ATL2: variants seen among roughly 807,000 people sequenced by gnomAD.
The protein encoded by ATL2 is atlastin GTPase 2, also known as atlastin-2.
ATL2 carries 31 observed loss-of-function variants against 73.9 expected under a neutral mutation model. The observed-to-expected ratio is 0.42, with a 90% CI of 0.32 to 0.57. ATL2 has a LOEUF of 0.57. Among genes scored for constraint, ATL2 ranks in the 20% least tolerant of loss-of-function variants. The probability of loss-of-function intolerance (pLI) is 0.14; values close to 1 mark genes in which losing one functional copy is unlikely to be tolerated. For missense variants in ATL2, 738 were observed against 702.6 expected (o/e 1.05, Z -0.57); for synonymous variants, 291 against 237.5 (o/e 1.23, Z -2.07).
At chr2:38,331,172 T>G (rs965274598) in intron 2 of ATL2, among the ~76,000 whole-genome samples, 1 of 151,850 alleles carries the variant, frequency 6.6e-6, no homozygotes, top group African/African-American at 2.4e-5. Context: ...TGGTGGCTCA[T>G]GCCTGTAATC....
intron 1 of ATL2, among the ~76,000 whole-genome samples, chr2:38,365,062 C>A (rs112514423): frequency 2.2e-3 from 324 of 149,394 alleles, no homozygotes; most frequent in African/African-American, 7.8e-3. Context: ...AAAAAAATTA[C>A]TTTAAGAGTT....
chr2:38,338,882 C>T (rs1460605870), intron 2 of ATL2, among the ~76,000 whole-genome samples: 1 of 152,092 alleles, frequency 6.6e-6, no homozygotes, highest in East Asian at 1.9e-4. Flanking sequence ...GTAAGACAAA[C>T]TTAAATTGAG....
chr2:38,343,899 T>C (rs1316601882), intron 1 of ATL2, among the ~76,000 whole-genome samples: 1 of 152,180 alleles, frequency 6.6e-6, no homozygotes, highest in Non-Finnish European at 1.5e-5. Context: ...AGCTCTCTTC[T>C]CATCTGCCAC....
intron 4 of ATL2, 78 bp from the exon 5 acceptor site, chr2:38,315,412 GA>G: frequency 2.1e-6 from 3 of 1,408,706 alleles, no homozygotes; most frequent in Non-Finnish European, 1.9e-6. Flanking sequence ...TTTACTTGTG[GA>G]AAAAAGGTTA....
At chr2:38,374,432 C>T (rs563044290) in intron 1 of ATL2, among the ~76,000 whole-genome samples, 104 of 152,304 alleles carry the variant, frequency 6.8e-4, no homozygotes, top group African/African-American at 2.4e-3. Flanking sequence ...AATACCATTA[C>T]ACGTTAAAAA....
chr2:38,325,517 C>G (rs1668547609), intron 2 of ATL2, among the ~76,000 whole-genome samples: 1 of 151,956 alleles, frequency 6.6e-6, no homozygotes, highest in Non-Finnish European at 1.5e-5. Flanking sequence ...ACAAAATTCT[C>G]AAAGTAATTA....
intron 1 of ATL2, among the ~76,000 whole-genome samples, chr2:38,362,181 G>A (rs1488662055): frequency 6.6e-6 from 1 of 152,144 alleles, no homozygotes; most frequent in African/African-American, 2.4e-5. Flanking sequence ...TGGGAAAGGT[G>A]GATTCGCTAA....
chr2:38,340,541 C>G (rs1200559475), intron 2 of ATL2, among the ~76,000 whole-genome samples: 2 of 152,160 alleles, frequency 1.3e-5, no homozygotes, highest in African/African-American at 4.8e-5. Context: ...TATAAAACTA[C>G]TCACTACTTT....
Position 38,295,321 on chromosome 2 carries a change from G to C in ATL2, c.*673C>G, listed in dbSNP as rs1666835253. 1 of 152,070 alleles carries C rather than the reference G, an allele frequency of 6.6e-6. No individual in the cohort carries two copies. The highest frequency in any genetic ancestry group is 2.1e-4 in the South Asian group (1 of 4,826). The allele number at this position is 152,070 out of a possible 1,614,324, so 9.4% of individuals were successfully genotyped here. The stretch of plus-strand genomic sequence containing the variant: ...GAATTTCTTCCCCAATAAAATTAAT[G>C]GCATATTTTATATACATGAAGGCTA... On this transcript the variant is annotated 3_prime_UTR_variant, in exon 13 of 13. Coordinates refer to ENST00000378954, the MANE Select transcript of ATL2 (RefSeq NM_001135673.4).
chr2:38,345,625 T>C (rs1558435133), intron 1 of ATL2, among the ~76,000 whole-genome samples: 1 of 152,216 alleles, frequency 6.6e-6, no homozygotes, highest in Non-Finnish European at 1.5e-5. Context: ...TATATAGCAA[T>C]AGTCAGGTAT....
intron 1 of ATL2, among the ~76,000 whole-genome samples, chr2:38,367,591 T>A (rs1208366676): frequency 1.0e-4 from 2 of 20,006 alleles, no homozygotes; most frequent in South Asian, 5.3e-3. Context: ...CAAGAATCCA[T>A]CTCAAAAAAA....
At chr2:38,312,078 C>T (rs1266534421) in intron 7 of ATL2, among the ~76,000 whole-genome samples, 1 of 152,098 alleles carries the variant, frequency 6.6e-6, no homozygotes, top group African/African-American at 2.4e-5. Context: ...TGCATCATTC[C>T]CATAGACAAA....
intron 7 of ATL2, among the ~76,000 whole-genome samples, 182 bp from the exon 8 acceptor site, chr2:38,310,629 CTTT>C (rs538258408): frequency 0.086 from 10,986 of 127,182 alleles, 1,601 homozygotes; most frequent in African/African-American, 0.31. Context: ...TAAGACCCCA[CTTT>C]TTTTTTTTTT....
chr2:38,357,951 C>G (rs1670775074), intron 1 of ATL2, among the ~76,000 whole-genome samples: 1 of 152,016 alleles, frequency 6.6e-6, no homozygotes, highest in African/African-American at 2.4e-5. Flanking sequence ...AAATCAAGGC[C>G]AGGTCTTATT....
intron 9 of ATL2, among the ~76,000 whole-genome samples, chr2:38,306,784 G>C (rs1338823323): frequency 1.3e-5 from 2 of 152,160 alleles, no homozygotes; most frequent in Admixed American, 1.3e-4. Flanking sequence ...CCCACAGCTA[G>C]TATCTTACTG....
chr2:38,345,806 G>A lies in ATL2; in HGVS notation c.119-2294C>T, dbSNP rs116604335. Among the ~76,000 whole-genome samples the A allele has an allele frequency of 1.5e-3, 236 of 152,330 alleles. 3 individuals are homozygous for A. The highest frequency in any genetic ancestry group is 5.5e-3 in the African/African-American group (227 of 41,568). ...AAGACCATGAAGTAGGGAGCAAACT[G>A]CCTCGATGCATGTCACTTAACTTCT... On this transcript the variant is annotated intron_variant, in intron 1 of 12. Transcript: ENST00000378954.
At chr2:38,367,620 C>CAAAA (rs1671415479) in intron 1 of ATL2, among the ~76,000 whole-genome samples, 2 of 113,480 alleles carry the variant, frequency 1.8e-5, no homozygotes, top group Non-Finnish European at 3.3e-5. Flanking sequence ...AAAAAAACCG[C>CAAAA]CCATTTAAAA....
At chr2:38,339,173 G>A (rs569090136) in intron 2 of ATL2, among the ~76,000 whole-genome samples, 5 of 152,200 alleles carry the variant, frequency 3.3e-5, no homozygotes, top group Admixed American at 6.5e-5. Flanking sequence ...CCGAGACTGC[G>A]CTACTGCACT....
At chr2:38,323,152 T>C (rs577259315) in intron 2 of ATL2, among the ~76,000 whole-genome samples, 2 of 152,282 alleles carry the variant, frequency 1.3e-5, no homozygotes, top group African/African-American at 2.4e-5. Flanking sequence ...CCCTATTTGC[T>C]GTGATAATTT....
Sources: gnomAD v4.1 joint callset for allele counts (sites outside exome capture counted in the v4.1 genomes callset) on GRCh38, gnomAD v4.1.1 for gene constraint, MANE v1.5 for transcripts, NCBI Gene and HGNC (gene_info 2026-07-23, HGNC 2026-07-21) for gene names.